The following LRRFIP1 variants were observed in gnomAD, a reference collection of about 807,000 sequenced individuals.
LRRFIP1 encodes leucine-rich repeat flightless-interacting protein 1.
Under a neutral mutation model 104.4 loss-of-function variants are expected in LRRFIP1, and 62 were observed. The observed-to-expected ratio is 0.59, with a 90% CI of 0.48 to 0.73. The LOEUF is 0.73. LRRFIP1 is among the 30% of genes least tolerant of loss of function. The probability of loss-of-function intolerance (pLI) is 0.00; values close to 1 mark genes in which losing one functional copy is unlikely to be tolerated. For missense variants in LRRFIP1, 796 were observed against 824.5 expected, an observed-to-expected ratio of 0.97 and a Z score of 0.42; for synonymous variants, 300 against 299.0, an observed-to-expected ratio of 1.00 and a Z score of -0.03.
At chr2:237,779,014 G>A (rs1576475645) in intron 23 of LRRFIP1, among the ~76,000 whole-genome samples, 1 of 152,316 alleles carries the variant, frequency 6.6e-6, no homozygotes, top group Middle Eastern at 3.4e-3. Flanking sequence ...ACGAGGTCAG[G>A]AGATCGAGAC....
chr2:237,636,805 G>C (rs1404103687), intron 1 of LRRFIP1, among the ~76,000 whole-genome samples: 1 of 152,230 alleles, frequency 6.6e-6, no homozygotes, highest in Non-Finnish European at 1.5e-5. Context: ...CCAGACAGTG[G>C]TTCCTCAGGC....
chr2:237,773,106 T>A (rs1215918789), intron 22 of LRRFIP1, among the ~76,000 whole-genome samples, 161 bp downstream of exon 22: 1 of 152,186 alleles, frequency 6.6e-6, no homozygotes, highest in African/African-American at 2.4e-5. Context: ...ATCCGTTTCT[T>A]ACAGAGCAAG....
At chr2:237,712,655 A>G (rs551216071) in intron 2 of LRRFIP1, among the ~76,000 whole-genome samples, 472 of 152,088 alleles carry the variant, frequency 3.1e-3, no homozygotes, top group African/African-American at 0.011. Flanking sequence ...GTGTGTGTGC[A>G]TGTGTGTGCA....
chr2:237,737,848 G>A (rs1009336264), intron 10 of LRRFIP1, among the ~76,000 whole-genome samples: 11 of 152,168 alleles, frequency 7.2e-5, no homozygotes, highest in Non-Finnish European at 1.0e-4. Context: ...CTGAAACAAC[G>A]TCTTGCCCCT....
rs1409434629 is a variant in LRRFIP1 at position 237,735,663 on chromosome 2, A to T, written c.555+330A>T. On this transcript the variant is annotated intron_variant, in intron 10 of 23. Transcript: ENST00000308482. The surrounding 1 kb of genome is among the most constrained non-coding windows in gnomAD (Gnocchi z 4.6). ...CGGGAAAAGGACAACTTGACAGACC[A>T]CACATCATTCTCGTCCCTGGATAGT... 1 of 274,678 alleles carries T rather than the reference A, an allele frequency of 3.6e-6. No individual in the cohort carries two copies. Among genetic ancestry groups the T allele is most frequent in the African/African-American group, 2.2e-5 (1 of 45,376 alleles). The allele number at this position is 274,678 out of a possible 1,614,324, so 17.0% of individuals were successfully genotyped here. A position where few individuals can be genotyped will look rare whatever the true frequency, so the allele number is the denominator to read the frequency against.
In LRRFIP1 at chr2:237,719,638, T is replaced by A. The variant is rs1336265210; in HGVS notation, c.294+71T>A. The A allele has an allele frequency of 1.1e-5, 11 of 989,884 alleles. No homozygotes were observed. The African/African-American group carries it at 1.8e-4, about 16-fold the overall frequency. The allele number at this position is 989,884 out of a possible 1,614,324, so 61.3% of individuals were successfully genotyped here. A position where few individuals can be genotyped will look rare whatever the true frequency, so the allele number is the denominator to read the frequency against. ...TAATTTATGCTTGCAGTGGCTGAAG[T>A]ATATATAATATATTCAATCTCTTAA... is the stretch of plus-strand genomic sequence containing the variant. On this transcript the variant is annotated intron_variant, in intron 5 of 23. Coordinates refer to ENST00000308482, the MANE Select transcript of LRRFIP1 (RefSeq NM_001137550.2).
intron 22 of LRRFIP1, among the ~76,000 whole-genome samples, chr2:237,773,623 C>A (rs2060836267): frequency 1.3e-5 from 2 of 152,154 alleles, no homozygotes; most frequent in Non-Finnish European, 2.9e-5. Flanking sequence ...GGGCTTTTAG[C>A]CTTTCTCTTG....
At chr2:237,694,470 A>G (rs1446583333) in intron 1 of LRRFIP1, among the ~76,000 whole-genome samples, 2 of 148,328 alleles carry the variant, frequency 1.3e-5, no homozygotes, top group African/African-American at 5.0e-5. Context: ...GGGGGTCATC[A>G]TGGGTGGGGG....
intron 2 of LRRFIP1, among the ~76,000 whole-genome samples, chr2:237,712,005 A>T (rs1380811757): frequency 6.6e-6 from 1 of 152,194 alleles, no homozygotes; most frequent in African/African-American, 2.4e-5. Flanking sequence ...CAAAAGAGGG[A>T]TCGAAAGATC....
At chr2:237,758,598 C>A in intron 17 of LRRFIP1, 131 bp from the exon 18 acceptor site, 1 of 618,428 alleles carries the variant, frequency 1.6e-6, no homozygotes, top group South Asian at 2.2e-5. Flanking sequence ...TATCTTTAGG[C>A]AGAGTCTCTT....
Position 237,772,142 on chromosome 2 carries a change from G to A in LRRFIP1, c.1571G>A (p.Arg524Gln). Residue 524 changes from arginine to glutamine, a missense_variant, in exon 21 of 24, where the codon CGA becomes CAA. By Grantham distance (43) the Arg-to-Gln change is conservative. Coordinates refer to ENST00000308482, the MANE Select transcript of LRRFIP1 (RefSeq NM_001137550.2). The stretch of plus-strand genomic sequence containing the variant: ...AAGATTGGCAAACTAGACAATCTTC[G>A]ATCTGAAGATGATGTCTTGGAAAAC... ...RQKIGKLDNLRSEDDVLENGT... is the reference protein window; with the variant it reads ...RQKIGKLDNLQSEDDVLENGT... 3.1e-6 allele frequency: 5 copies of A among 1,613,930 alleles called. No homozygotes were observed. The highest frequency in any genetic ancestry group is 1.6e-4 in the Middle Eastern group (1 of 6,062).
chr2:237,702,042 G>T (rs765509606), intron 1 of LRRFIP1, among the ~76,000 whole-genome samples: 1 of 152,130 alleles, frequency 6.6e-6, no homozygotes, highest in East Asian at 1.9e-4. Flanking sequence ...ATAGACTTGG[G>T]CTCCACAGCA....
At chr2:237,724,048 A>AC (rs199624471) in intron 7 of LRRFIP1, among the ~76,000 whole-genome samples, 196 of 136,824 alleles carry the variant, frequency 1.4e-3, no homozygotes, top group African/African-American at 4.9e-3. Context: ...GTACAATCTG[A>AC]CTTTTTTTTT....
At chr2:237,627,778 G>T in intron 1 of LRRFIP1, 38 bp downstream of exon 1, 2 of 1,169,258 alleles carry the variant, frequency 1.7e-6, no homozygotes, top group Non-Finnish European at 1.1e-6. Context: ...GGCGCCGGGC[G>T]GGCGCGGGGG....
chr2:237,650,153 G>A (rs1157209836), intron 1 of LRRFIP1, among the ~76,000 whole-genome samples: 2 of 152,030 alleles, frequency 1.3e-5, no homozygotes, highest in Non-Finnish European at 2.9e-5. Flanking sequence ...GGCAAGTGGG[G>A]AGGTTGCTGT....
chr2:237,772,937 G>A lies in LRRFIP1; in HGVS notation c.1699G>A (p.Glu567Lys). The stretch of plus-strand genomic sequence containing the variant: ...ATCTGAGCAAGAGATAACTGCATTA[G>A]AACAAAATGTACGTGTAAGCAACAA... Reference protein sequence around the residue: ...AKSEQEITALEQNVIRLESQV... With the variant: ...AKSEQEITALKQNVIRLESQV... The change falls in exon 22 of 24, where the codon GAA (glutamate) becomes AAA (lysine). Residue 567 changes from glutamate (E) to lysine (K), a missense_variant. By Grantham distance (56) the Glu-to-Lys change is moderately conservative. Coordinates refer to ENST00000308482, the MANE Select transcript of LRRFIP1 (RefSeq NM_001137550.2). The A allele has an allele frequency of 6.2e-7, 1 of 1,612,648 alleles. No homozygotes were observed. Among genetic ancestry groups the A allele is most frequent in the Non-Finnish European group, 8.5e-7 (1 of 1,178,704 alleles).
chr2:237,753,100 T>G (rs1455390077), intron 14 of LRRFIP1, among the ~76,000 whole-genome samples: 3 of 152,226 alleles, frequency 2.0e-5, no homozygotes, highest in Non-Finnish European at 4.4e-5. Flanking sequence ...CTTTTAATAG[T>G]GAATTTTCTG....
chr2:237,772,035 A>G lies in LRRFIP1; in HGVS notation c.1510-46A>G, dbSNP rs56219137. 8.2e-3 allele frequency: 11,510 copies of G among 1,402,542 alleles called. 72 individuals carry two copies. The highest frequency in any genetic ancestry group is 0.01 in the Non-Finnish European group (10,117 of 991,426). The allele number at this position is 1,402,542 out of a possible 1,614,324, so 86.9% of individuals were successfully genotyped here. ...GCTCTAACTTCAGCTTTTCGGTCTCATTCAGAGTAGAGAAATTAACAGATT... is the reference window on the plus strand; with the variant it reads ...GCTCTAACTTCAGCTTTTCGGTCTCGTTCAGAGTAGAGAAATTAACAGATT... On this transcript the variant is annotated intron_variant, in intron 20 of 23. Coordinates refer to ENST00000308482, the MANE Select transcript of LRRFIP1 (RefSeq NM_001137550.2).
At chr2:237,761,443 A>AAC (rs901189101) in intron 19 of LRRFIP1, among the ~76,000 whole-genome samples, 8 of 152,228 alleles carry the variant, frequency 5.3e-5, no homozygotes, top group Non-Finnish European at 7.3e-5. Flanking sequence ...GAGCTACCCG[A>AAC]ACAGCTAGGA....
Sources: gnomAD v4.1 joint callset for allele counts (sites outside exome capture counted in the v4.1 genomes callset) on GRCh38, gnomAD v4.1.1 for gene constraint, Gnocchi (gnomAD v3.1) non-coding constraint, MANE v1.5 for transcripts, NCBI Gene and HGNC (gene_info 2026-07-23, HGNC 2026-07-21) for gene names.